The following DMXL2 variants were observed in gnomAD, a reference collection of about 807,000 sequenced individuals.
The protein encoded by DMXL2 is dmX-like protein 2.
A neutral mutation model predicts 331.1 loss-of-function variants in DMXL2; 103 were observed. The ratio of observed to expected loss-of-function variants is 0.31; its 90% confidence interval spans 0.27 to 0.37. The LOEUF (loss-of-function observed/expected upper bound fraction) is 0.37, where lower values mean the gene tolerates loss of function less well. Among genes scored for constraint, DMXL2 ranks in the 10% least tolerant of loss-of-function variants. The probability of loss-of-function intolerance (pLI) is 1.00; values close to 1 mark genes in which losing one functional copy is unlikely to be tolerated. For synonymous variants in DMXL2, 1,281 were observed against 1,252.1 expected, an observed-to-expected ratio of 1.02 and a Z score of -0.49; for missense variants, 3,171 against 3,642.9, an observed-to-expected ratio of 0.87 and a Z score of 3.33.
chr15:51,467,808 G>C (rs913812951), intron 29 of DMXL2, among the ~76,000 whole-genome samples: 1 of 150,846 alleles, frequency 6.6e-6, no homozygotes, highest in African/African-American at 2.4e-5. Flanking sequence ...CTCACTGCAA[G>C]CTCCGCCTCC....
intron 29 of DMXL2, 115 bp from the exon 30 acceptor site, chr15:51,466,426 T>A: frequency 2.7e-6 from 1 of 374,266 alleles, no homozygotes; most frequent in Non-Finnish European, 4.0e-6. Flanking sequence ...TAGTATATAA[T>A]TATTTTTGTT....
At chr15:51,492,230 T>C in intron 19 of DMXL2, among the ~76,000 whole-genome samples, 1 of 152,246 alleles carries the variant, frequency 6.6e-6, no homozygotes, top group East Asian at 1.9e-4. Flanking sequence ...AAGGAAAGTG[T>C]GGTGAAAGCT....
intron 29 of DMXL2, among the ~76,000 whole-genome samples, chr15:51,466,984 G>A (rs549460933): frequency 3.3e-5 from 5 of 151,788 alleles, no homozygotes; most frequent in South Asian, 2.1e-4. Flanking sequence ...AATCATACAC[G>A]TATAAGAAGT....
intron 1 of DMXL2, among the ~76,000 whole-genome samples, chr15:51,598,862 T>A (rs1329236762): frequency 6.6e-6 from 1 of 152,218 alleles, no homozygotes; most frequent in Non-Finnish European, 1.5e-5. Context: ...AATTAATAAG[T>A]ATACTGTGGG....
chr15:51,590,820 G>A (rs781086914), intron 1 of DMXL2, among the ~76,000 whole-genome samples: 2 of 152,188 alleles, frequency 1.3e-5, no homozygotes, highest in Non-Finnish European at 2.9e-5. Flanking sequence ...AATACACACA[G>A]GATCCTGCCA....
At chr15:51,547,933 A>C (rs1350313691) in intron 6 of DMXL2, among the ~76,000 whole-genome samples, 2 of 152,092 alleles carry the variant, frequency 1.3e-5, no homozygotes, top group Non-Finnish European at 2.9e-5. Flanking sequence ...TATGACACAG[A>C]TTCTTCTTTT....
intron 23 of DMXL2, among the ~76,000 whole-genome samples, chr15:51,485,285 C>T (rs995057960): frequency 6.6e-6 from 1 of 152,156 alleles, no homozygotes; most frequent in Admixed American, 6.5e-5. Context: ...CTAAAAAGAT[C>T]CTCTCCAAGG....
At chr15:51,554,598 T>C (rs1335730844) in intron 6 of DMXL2, among the ~76,000 whole-genome samples, 1 of 152,250 alleles carries the variant, frequency 6.6e-6, no homozygotes, top group Non-Finnish European at 1.5e-5. Context: ...TACTGTTTTA[T>C]TATTTGTAGA....
chr15:51,496,809 A>G (rs772336850), intron 18 of DMXL2, among the ~76,000 whole-genome samples: 3 of 152,196 alleles, frequency 2.0e-5, no homozygotes, highest in Non-Finnish European at 4.4e-5. Context: ...GAATGACTGT[A>G]AGTTGTCTCA....
chr15:51,580,393 C>T (rs2051328337), intron 1 of DMXL2, among the ~76,000 whole-genome samples: 1 of 152,122 alleles, frequency 6.6e-6, no homozygotes, highest in African/African-American at 2.4e-5. Flanking sequence ...AGTTAGTAAA[C>T]TAACCTCTTC....
At position 51,603,329 on chromosome 15, in the gene DMXL2, C is replaced by T. The variant is rs75156825; in HGVS notation, c.87+19130G>A. ...ACGAAATGCCACAAACAACTCTATA[C>T]GCAAACCTATAAAAATGAAACAGAT... On this transcript the variant is annotated intron_variant, in intron 1 of 43. Transcript: ENST00000560891. 2.7e-3 allele frequency among the ~76,000 whole-genome samples: 406 copies of T among 152,170 alleles called. 18 individuals are homozygous for T. In the East Asian group the frequency reaches 0.062, roughly 23 times the overall value.
rs187284282 is a variant in DMXL2, at chr15:51,605,790, G to A, written c.87+16669C>T. Among the ~76,000 whole-genome samples the A allele has an allele frequency of 3.3e-4, 14 of 42,960 alleles. 4 individuals carry two copies. Among genetic ancestry groups the A allele is most frequent in the Admixed American group, 1.3e-3 (5 of 3,990 alleles). The allele number at this position is 42,960 out of a possible 152,430, so 28.2% of individuals were successfully genotyped here. A position where few individuals can be genotyped will look rare whatever the true frequency, so the allele number is the denominator to read the frequency against. On this transcript the variant is annotated intron_variant, in intron 1 of 43. Coordinates refer to ENST00000560891, the MANE Select transcript of DMXL2 (RefSeq NM_001378457.1). ...GATCTCCTGACCTCATGATCCACCC[G>A]CCTCGGCCTCCCAAAGTGCTGGGAT...
chr15:51,592,599 C>G (rs1026052252), intron 1 of DMXL2, among the ~76,000 whole-genome samples: 6 of 152,104 alleles, frequency 3.9e-5, no homozygotes, highest in African/African-American at 1.4e-4. Context: ...AAGAGCAACT[C>G]CAAGACACAT....
rs113295062 is a variant in DMXL2, at chr15:51,608,116, C to T, written c.87+14343G>A. ...AGGAGAACCACGTGAACCTGGGAGG[C>T]GGAGGTTGCAGTGAGCCAAGATCAC... On this transcript the variant is annotated intron_variant, in intron 1 of 43. Coordinates refer to ENST00000560891, the MANE Select transcript of DMXL2 (RefSeq NM_001378457.1). Among the ~76,000 whole-genome samples the T allele has an allele frequency of 8.9e-3, 1,351 of 151,738 alleles. 23 individuals are homozygous for T. The highest frequency in any genetic ancestry group is 0.031 in the African/African-American group (1,296 of 41,338).
intron 1 of DMXL2, among the ~76,000 whole-genome samples, chr15:51,607,827 G>A (rs1038194794): frequency 6.6e-6 from 1 of 152,182 alleles, no homozygotes; most frequent in Non-Finnish European, 1.5e-5. Flanking sequence ...TCCTCAAGGT[G>A]CTGAAAGAAA....
chr15:51,591,937 A>G (rs1403304090), intron 1 of DMXL2, among the ~76,000 whole-genome samples: 2 of 152,230 alleles, frequency 1.3e-5, no homozygotes, highest in African/African-American at 4.8e-5. Context: ...ATCAAAGACC[A>G]AAGGTAGATA....
chr15:51,458,640 G>A lies in DMXL2; in HGVS notation c.8077-13C>T. Reference sequence around the variant, plus strand: ...CATTACAATTTGCCTATAAAGCAAAGGCAGAATCGATGATTTAAGCAATTT... The same window carrying A: ...CATTACAATTTGCCTATAAAGCAAAAGCAGAATCGATGATTTAAGCAATTT... On this transcript the variant is annotated splice_polypyrimidine_tract_variant and intron_variant, in intron 35 of 43. Coordinates refer to ENST00000560891, the MANE Select transcript of DMXL2 (RefSeq NM_001378457.1). The A allele has an allele frequency of 6.2e-7, 1 of 1,613,884 alleles. No individual in the cohort carries two copies. The highest frequency in any genetic ancestry group is 1.1e-5 in the South Asian group (1 of 91,042).
At chr15:51,595,749 C>T (rs2052753459) in intron 1 of DMXL2, among the ~76,000 whole-genome samples, 1 of 152,072 alleles carries the variant, frequency 6.6e-6, no homozygotes, top group Non-Finnish European at 1.5e-5. Flanking sequence ...AGAACAGAGC[C>T]CTCAGAAATA....
chr15:51,450,968 T>C (rs2039082569), intron 42 of DMXL2, among the ~76,000 whole-genome samples: 1 of 152,248 alleles, frequency 6.6e-6, no homozygotes, highest in Non-Finnish European at 1.5e-5. Context: ...TCTGACAATC[T>C]ACTTCATTTA....
Sources: allele counts gnomAD v4.1 joint callset (sites outside exome capture counted in the v4.1 genomes callset), GRCh38; gene constraint gnomAD v4.1.1; transcripts MANE v1.5; gene names NCBI Gene and HGNC (gene_info 2026-07-23, HGNC 2026-07-21).